Variants in TOGARAM2 observed in about 807,000 individuals in gnomAD.
TOGARAM2 encodes TOG array regulator of axonemal microtubules protein 2.
TOGARAM2 carries 85 observed loss-of-function variants against 93.3 expected under a neutral mutation model. The observed-to-expected ratio is 0.91, with a 90% CI of 0.76 to 1.09. TOGARAM2 has a LOEUF of 1.09. TOGARAM2 is among the 50% of genes least tolerant of loss of function. The pLI is 0.00. For synonymous variants in TOGARAM2, 593 were observed against 552.8 expected, an observed-to-expected ratio of 1.07 and a Z score of -1.02; for missense variants, 1,277 against 1,334.5, an observed-to-expected ratio of 0.96 and a Z score of 0.67.
chr2:29,023,045 C>A, intron 11 of TOGARAM2, 41 bp from the exon 12 acceptor site: 1 of 1,534,452 alleles, frequency 6.5e-7, no homozygotes, highest in Non-Finnish European at 8.9e-7. Context: ...GGGCTCCTCC[C>A]TCTCCACCCT....
intron 18 of TOGARAM2, among the ~76,000 whole-genome samples, chr2:29,041,242 T>C (rs1666418254): frequency 1.3e-5 from 2 of 152,156 alleles, no homozygotes; most frequent in South Asian, 4.1e-4. Flanking sequence ...CAGGCTAGTC[T>C]CAAACTCCTG....
intron 6 of TOGARAM2, among the ~76,000 whole-genome samples, chr2:29,005,376 ATGTATGTGGG>A (rs1673663793): frequency 1.4e-5 from 2 of 143,498 alleles, no homozygotes; most frequent in African/African-American, 2.7e-5. Context: ...GAGAACGTGC[ATGTATGTGGG>A]TGCATGTATG....
chr2:28,980,702 G>A (rs982460872), upstream of TOGARAM2, among the ~76,000 whole-genome samples: 1 of 152,318 alleles, frequency 6.6e-6, no homozygotes, highest in South Asian at 2.1e-4. Flanking sequence ...GGAGAAATCT[G>A]GTTGGGACGA....
intron 3 of TOGARAM2, 105 bp downstream of exon 3, chr2:28,998,358 A>AT: frequency 1.4e-6 from 1 of 724,772 alleles, no homozygotes; most frequent in Non-Finnish European, 2.3e-6. Flanking sequence ...AGCAGGTGTT[A>AT]TTTTTCCTGT....
chr2:28,974,457 A>G (rs1045963367), intron 1 of TOGARAM2, among the ~76,000 whole-genome samples: 2 of 151,944 alleles, frequency 1.3e-5, no homozygotes, highest in African/African-American at 4.8e-5. Context: ...TTGGATCTGT[A>G]GATTAGTATC....
chr2:29,023,562 G>C (rs576726641), intron 12 of TOGARAM2, among the ~76,000 whole-genome samples: 12 of 152,330 alleles, frequency 7.9e-5, no homozygotes, highest in African/African-American at 2.9e-4. Context: ...GCTTGGTCTA[G>C]CTGGGTCCAG....
At chr2:28,966,569 T>TA (rs1238987463) in intron 1 of TOGARAM2, among the ~76,000 whole-genome samples, 1 of 152,198 alleles carries the variant, frequency 6.6e-6, no homozygotes, top group African/African-American at 2.4e-5. Flanking sequence ...GTGCTGGGAT[T>TA]ACAGGTGTGA....
intron 4 of TOGARAM2, among the ~76,000 whole-genome samples, chr2:29,000,451 G>A (rs551674796): frequency 6.6e-6 from 1 of 152,250 alleles, no homozygotes; most frequent in East Asian, 1.9e-4. Context: ...TACTGTGGGG[G>A]TTTAATGAAA....
chr2:29,023,240 CT>C, intron 12 of TOGARAM2, 49 bp downstream of exon 12: 1 of 1,425,288 alleles, frequency 7.0e-7, no homozygotes. Context: ...ACTGCAGCTG[CT>C]GGATGCAGTC....
Position 29,024,185 on chromosome 2 carries a change from TG to T in TOGARAM2, c.1667del (p.Gly556GlufsTer7). On this transcript the variant is annotated frameshift_variant, in exon 13 of 20. Coordinates refer to ENST00000379558, the MANE Select transcript of TOGARAM2 (RefSeq NM_199280.4). LOFTEE classifies it high-confidence loss of function. ...SKVSHLAIST[L>X]GDLFQALKKN... ...GTGTCTCACCTGGCCATCAGCACCT[TG>T]GGAGACCTCTTCCAGGCCTTGAAGA... is the stretch of plus-strand genomic sequence containing the variant. The T allele has an allele frequency of 6.2e-7, 1 of 1,601,404 alleles. No individual in the cohort carries two copies. Among genetic ancestry groups the T allele is most frequent in the Non-Finnish European group, 8.5e-7 (1 of 1,173,836 alleles).
intron 10 of TOGARAM2, among the ~76,000 whole-genome samples, chr2:29,021,106 G>A (rs1480480642): frequency 6.6e-6 from 1 of 152,254 alleles, no homozygotes; most frequent in South Asian, 2.1e-4. Flanking sequence ...TAAAGACAGG[G>A]TTTCACCATG....
At chr2:28,970,134 T>C (rs1411294960) in intron 1 of TOGARAM2, among the ~76,000 whole-genome samples, 1 of 152,210 alleles carries the variant, frequency 6.6e-6, no homozygotes, top group Admixed American at 6.5e-5. Context: ...ATACAATTCT[T>C]ACAAAAGTCC....
At chr2:29,016,205 C>T (rs1664558892) in intron 8 of TOGARAM2, among the ~76,000 whole-genome samples, 1 of 152,162 alleles carries the variant, frequency 6.6e-6, no homozygotes, top group African/African-American at 2.4e-5. Context: ...CTCTCTCGCC[C>T]CGCACCTCAT....
At chr2:28,976,242 G>C (rs1460627603) in intron 1 of TOGARAM2, among the ~76,000 whole-genome samples, 5 of 152,128 alleles carry the variant, frequency 3.3e-5, no homozygotes, top group Admixed American at 6.6e-5. Flanking sequence ...GTGGTGGCGG[G>C]TGCCTGTAGT....
rs113163075 is a variant in TOGARAM2, at chr2:29,024,363, G to A, written c.1842G>A (p.Ser614=). The A allele has an allele frequency of 1.2e-6, 2 of 1,605,280 alleles. No individual in the cohort carries two copies. The highest frequency in any genetic ancestry group is 8.5e-7 in the Non-Finnish European group (1 of 1,176,046). Reference sequence around the variant, plus strand: ...CCCGCTCCCTGGTGGTCCTCACCTCGGCGGGTGTCTAGTATGTGGCTGCCT... The same window carrying A: ...CCCGCTCCCTGGTGGTCCTCACCTCAGCGGGTGTCTAGTATGTGGCTGCCT... The part of the protein sequence containing the change: ...TLARSLVVLT[S]AGVYHRNPLI... Residue 614 remains serine, a synonymous_variant, in exon 13 of 20, where the codon TCG becomes TCA. Transcript: ENST00000379558.
intron 1 of TOGARAM2, among the ~76,000 whole-genome samples, chr2:28,957,378 G>A (rs1288212264): frequency 1.3e-5 from 2 of 151,920 alleles, no homozygotes; most frequent in Admixed American, 6.5e-5. Context: ...ACGGGGTTTC[G>A]CCATGTTGGC....
chr2:28,997,429 G>A (rs1196371264), intron 2 of TOGARAM2, among the ~76,000 whole-genome samples: 1 of 152,172 alleles, frequency 6.6e-6, no homozygotes, highest in Non-Finnish European at 1.5e-5. Flanking sequence ...CGGGCTCCCA[G>A]GCCCCGCACT....
At chr2:28,993,468 T>C (rs569273463) in intron 1 of TOGARAM2, among the ~76,000 whole-genome samples, 1 of 152,314 alleles carries the variant, frequency 6.6e-6, no homozygotes, top group Admixed American at 6.5e-5. Flanking sequence ...TTTGGGGTGT[T>C]GGTGCCTGTG....
chr2:28,992,279 T>G (rs546069225), intron 1 of TOGARAM2, among the ~76,000 whole-genome samples: 30 of 152,260 alleles, frequency 2.0e-4, no homozygotes, highest in African/African-American at 6.7e-4. Context: ...TCAGGCTTGT[T>G]TGTCCATAGC....
Sources: gnomAD v4.1 joint callset for allele counts (sites outside exome capture counted in the v4.1 genomes callset) on GRCh38, gnomAD v4.1.1 for gene constraint, MANE v1.5 for transcripts, NCBI Gene and HGNC (gene_info 2026-07-23, HGNC 2026-07-21) for gene names.